UQCRC2: variants seen among roughly 807,000 people sequenced by gnomAD.
UQCRC2 encodes cytochrome b-c1 complex subunit 2, mitochondrial.
UQCRC2 carries 49 observed loss-of-function variants against 55.6 expected under a neutral mutation model. That is an observed-to-expected ratio of 0.88 (90% CI 0.70 to 1.12). The LOEUF is 1.12. Among genes scored for constraint, UQCRC2 ranks in the 50% most tolerant of loss-of-function variants. The pLI is 0.00. For missense variants in UQCRC2, 506 were observed against 547.8 expected, an observed-to-expected ratio of 0.92 and a Z score of 0.76; for synonymous variants, 193 against 192.0, an observed-to-expected ratio of 1.01 and a Z score of -0.04.
At position 21,962,813 on chromosome 16, in the gene UQCRC2, C is replaced by T. The variant is rs2228473; in HGVS notation, c.442C>T (p.Arg148Cys). The change falls in exon 6 of 14, where the codon CGT (arginine) becomes TGT (cysteine). Residue 148 changes from arginine to cysteine, a missense_variant. Physicochemically the swap from Arg to Cys is radical, Grantham distance 180. Transcript: ENST00000268379. ...LNVTTAPEFR[R>C]WEVADLQPQL... ...TGTCACCACAGCACCAGAATTTCGT[C>T]GTTGGGAAGTAGCTGACCTTCAGCC... 6.2e-6 allele frequency: 10 copies of T among 1,614,032 alleles called. No homozygotes were observed. The highest frequency in any genetic ancestry group is 4.4e-5 in the South Asian group (4 of 91,078).
chr16:21,972,256 C>T (rs1044845697), intron 10 of UQCRC2, 134 bp downstream of exon 10: 5 of 1,199,640 alleles, frequency 4.2e-6, no homozygotes, highest in Non-Finnish European at 5.8e-6. Context: ...GATAGCCAGG[C>T]TTGATTTTAG....
intron 7 of UQCRC2, among the ~76,000 whole-genome samples, chr16:21,967,150 C>CT (rs1388639808): frequency 6.6e-6 from 1 of 151,990 alleles, no homozygotes; most frequent in African/African-American, 2.4e-5. Flanking sequence ...GAAATTGGCG[C>CT]TAGAATACTT....
At chr16:21,978,672 T>A (rs1193377279) in intron 12 of UQCRC2, among the ~76,000 whole-genome samples, 4 of 152,182 alleles carry the variant, frequency 2.6e-5, no homozygotes, top group Non-Finnish European at 5.9e-5. Flanking sequence ...TCAGTATAAT[T>A]TCGTACTGAC....
At chr16:21,978,732 A>G (rs1898645463) in intron 12 of UQCRC2, among the ~76,000 whole-genome samples, 1 of 152,218 alleles carries the variant, frequency 6.6e-6, no homozygotes. Flanking sequence ...TGAACTGAAG[A>G]AATAGAATGG....
intron 10 of UQCRC2, among the ~76,000 whole-genome samples, chr16:21,973,584 A>T (rs1246141550): frequency 6.6e-6 from 1 of 152,222 alleles, no homozygotes; most frequent in East Asian, 1.9e-4. Context: ...TATCTATATT[A>T]TAATAATAAT....
chr16:21,982,728 G>T (rs1012245369), intron 13 of UQCRC2, among the ~76,000 whole-genome samples: 5 of 152,202 alleles, frequency 3.3e-5, no homozygotes, highest in African/African-American at 1.2e-4. Context: ...ACTTTGGGAG[G>T]TTAAGGTGAG....
intron 5 of UQCRC2, 27 bp from the exon 6 acceptor site, chr16:21,962,734 T>C (rs1174823436): frequency 3.1e-6 from 5 of 1,613,704 alleles, no homozygotes; most frequent in East Asian, 2.2e-5. Context: ...TTTTGACTCA[T>C]AATTCTTATC....
chr16:21,976,356 G>A (rs1197682629), intron 12 of UQCRC2, 113 bp downstream of exon 12: 3 of 916,726 alleles, frequency 3.3e-6, no homozygotes, highest in South Asian at 3.2e-5. Context: ...GTACAGAAAA[G>A]CGTAAAAAGG....
chr16:21,976,286 A>C, intron 12 of UQCRC2, 43 bp downstream of exon 12: 1 of 1,477,602 alleles, frequency 6.8e-7, no homozygotes, highest in Non-Finnish European at 9.5e-7. Flanking sequence ...TTGTTATTTG[A>C]AAGTTGTATT....
rs1183170658 is a variant in UQCRC2, at chr16:21,983,133, G to A, written c.1324G>A (p.Gly442Arg). Reference protein sequence around the residue: ...VSGQKSMAASGNLGHTPFVDE... With the variant: ...VSGQKSMAASRNLGHTPFVDE... ...TGGCCAGAAGTCAATGGCAGCAAGT[G>A]GAAATTTGGGACATACACCTTTTGT... The change falls in exon 14 of 14, where the codon GGA (glycine) becomes AGA (arginine). Residue 442 changes from glycine (G) to arginine (R), a missense_variant. Gly to Arg is a moderately radical substitution (Grantham distance 125). Transcript: ENST00000268379. 6.2e-7 allele frequency: 1 copy of A among 1,613,984 alleles called. No individual in the cohort carries two copies. Among genetic ancestry groups the A allele is most frequent in the Non-Finnish European group, 8.5e-7 (1 of 1,180,026 alleles).
At chr16:21,966,330 T>C (rs1009793918) in intron 7 of UQCRC2, among the ~76,000 whole-genome samples, 3 of 152,164 alleles carry the variant, frequency 2.0e-5, no homozygotes, top group Non-Finnish European at 4.4e-5. Context: ...TTGCTGGCTA[T>C]AGGGGTTTGT....
chr16:21,953,395 G>A lies in UQCRC2; in HGVS notation c.-29G>A. On this transcript the variant is annotated 5_prime_UTR_variant, in exon 1 of 14. It adds an upstream start codon to the 5' untranslated region. Transcript: ENST00000268379. The stretch of plus-strand genomic sequence containing the variant: ...CATCTTGCTTTCCTTTAATCCGGCA[G>A]TGACCGTGTGTCAGAACAATCTTGA... The A allele has an allele frequency of 6.2e-7, 1 of 1,611,984 alleles. No individual in the cohort carries two copies. The highest frequency in any genetic ancestry group is 8.5e-7 in the Non-Finnish European group (1 of 1,179,210).
chr16:21,974,021 C>T, intron 11 of UQCRC2, 45 bp downstream of exon 11: 1 of 1,477,238 alleles, frequency 6.8e-7, no homozygotes, highest in African/African-American at 1.4e-5. Context: ...CAAGTTATTT[C>T]TCCCCCCCGC....
chr16:21,955,532 G>A (rs1196248496), intron 1 of UQCRC2, among the ~76,000 whole-genome samples: 1 of 152,140 alleles, frequency 6.6e-6, no homozygotes, highest in African/African-American at 2.4e-5. Flanking sequence ...AGAATGATTT[G>A]TATGGCATTG....
At chr16:21,956,538 CA>C (rs1274037483) in intron 1 of UQCRC2, among the ~76,000 whole-genome samples, 3 of 152,002 alleles carry the variant, frequency 2.0e-5, no homozygotes, top group Non-Finnish European at 4.4e-5. Context: ...AGCACGACTC[CA>C]ACTCAACAAA....
intron 1 of UQCRC2, among the ~76,000 whole-genome samples, 199 bp from the exon 2 acceptor site, chr16:21,957,036 T>C (rs1394738149): frequency 6.7e-6 from 1 of 149,716 alleles, no homozygotes; most frequent in African/African-American, 2.5e-5. Flanking sequence ...GCCACTGCAC[T>C]CCAGCCTGAG....
At position 21,962,761 on chromosome 16, in the gene UQCRC2, T is replaced by C. The variant is rs963920449; in HGVS notation, c.390T>C (p.Val130=). ...AYTVECLRGD[V]DILMEFLLNV... ...ATTCTTATCTCGATGTCTTCTGTAG[T>C]GATATTCTAATGGAGTTCCTGCTCA... The change falls in exon 6 of 14, where the codon GTT becomes GTC. Residue 130 remains valine, a splice_region_variant and synonymous_variant. Coordinates refer to ENST00000268379, the MANE Select transcript of UQCRC2 (RefSeq NM_003366.4). The C allele has an allele frequency of 6.2e-7, 1 of 1,614,122 alleles. No homozygotes were observed. The highest frequency in any genetic ancestry group is 8.5e-7 in the Non-Finnish European group (1 of 1,180,026).
At chr16:21,980,996 G>T (rs547049265) in intron 13 of UQCRC2, among the ~76,000 whole-genome samples, 1 of 152,126 alleles carries the variant, frequency 6.6e-6, no homozygotes, top group Non-Finnish European at 1.5e-5. Context: ...TACACCTAAC[G>T]TATCAAACGT....
intron 7 of UQCRC2, among the ~76,000 whole-genome samples, chr16:21,966,329 A>G (rs1327130871): frequency 6.6e-6 from 1 of 152,056 alleles, no homozygotes; most frequent in African/African-American, 2.4e-5. Flanking sequence ...TTTGCTGGCT[A>G]TAGGGGTTTG....
Sources: gnomAD v4.1 joint callset for allele counts (sites outside exome capture counted in the v4.1 genomes callset) on GRCh38, gnomAD v4.1.1 for gene constraint, MANE v1.5 for transcripts, NCBI Gene and HGNC (gene_info 2026-07-23, HGNC 2026-07-21) for gene names.